The following PXK variants were observed in gnomAD, a reference collection of about 807,000 sequenced individuals.
The protein encoded by PXK is PX domain containing serine/threonine kinase like.
Under a neutral mutation model 84.7 loss-of-function variants are expected in PXK, and 35 were observed. The observed-to-expected ratio is 0.41, with a 90% CI of 0.32 to 0.55. The LOEUF is 0.55. PXK is among the 20% of genes least tolerant of loss of function. The pLI is 0.21. For missense variants in PXK, 634 were observed against 699.7 expected, an observed-to-expected ratio of 0.91 and a Z score of 1.06; for synonymous variants, 253 against 260.8, an observed-to-expected ratio of 0.97 and a Z score of 0.29.
At chr3:58,389,311 A>G (rs914070684) in intron 4 of PXK, among the ~76,000 whole-genome samples, 3 of 152,132 alleles carry the variant, frequency 2.0e-5, no homozygotes, top group African/African-American at 7.2e-5. Flanking sequence ...GATGGGATAA[A>G]TAGTACTTGG....
At chr3:58,377,688 T>A (rs558290483) in intron 3 of PXK, among the ~76,000 whole-genome samples, 1 of 152,262 alleles carries the variant, frequency 6.6e-6, no homozygotes, top group Admixed American at 6.5e-5. Context: ...TACCTGTATT[T>A]ACTTTTTCTC....
chr3:58,399,430 G>C lies in PXK; in HGVS notation c.1181+53G>C. The C allele has an allele frequency of 6.5e-7, 1 of 1,531,090 alleles. No homozygotes were observed. Among genetic ancestry groups the C allele is most frequent in the South Asian group, 1.1e-5 (1 of 88,030 alleles). 94.8% of individuals were successfully genotyped at this position (1,531,090 alleles called of 1,614,324 possible). A position where few individuals can be genotyped will look rare whatever the true frequency, so the allele number is the denominator to read the frequency against. ...ATCTTGATAACTATGTTGAACACCA[G>C]ACCACTGTGTCCAAGCACCTGGTAC... is the stretch of plus-strand genomic sequence containing the variant. On this transcript the variant is annotated intron_variant, in intron 12 of 17. Transcript: ENST00000356151. This position sits in a 1 kb window ranked among gnomAD's most constrained non-coding sequence, Gnocchi z 4.3.
chr3:58,350,868 C>A (rs6445973), intron 1 of PXK, among the ~76,000 whole-genome samples: 109,595 of 152,116 alleles, frequency 0.72, 40,496 homozygotes, highest in East Asian at 1. Context: ...ACACAGCAAC[C>A]TTCTCAGAGT....
chr3:58,395,560 G>T, intron 8 of PXK, 98 bp from the exon 9 acceptor site: 1 of 862,044 alleles, frequency 1.2e-6, no homozygotes. Flanking sequence ...CATCTCTGGC[G>T]CCCCTAGCCT....
At chr3:58,368,408 T>G (rs1208899706) in intron 2 of PXK, among the ~76,000 whole-genome samples, 1 of 152,192 alleles carries the variant, frequency 6.6e-6, no homozygotes, top group Non-Finnish European at 1.5e-5. Flanking sequence ...CTGCAATCTC[T>G]GCCTCCTAGG....
Position 58,421,016 on chromosome 3 carries a change from C to T in PXK, c.1529-3736C>T. The stretch of plus-strand genomic sequence containing the variant: ...TTTTATAACTGACGGTAGGGAAAAA[C>T]AGTTCTTTTGTAAGCATCCTTTATA... On this transcript the variant is annotated intron_variant, in intron 17 of 17. Coordinates refer to ENST00000356151, the MANE Select transcript of PXK (RefSeq NM_017771.5). The surrounding 1 kb of genome is among the most constrained non-coding windows in gnomAD (Gnocchi z 5.5). 1.0e-6 allele frequency: 1 copy of T among 1,002,022 alleles called. No individual in the cohort carries two copies. Among genetic ancestry groups the T allele is most frequent in the Non-Finnish European group, 1.2e-6 (1 of 840,732 alleles). 62.1% of individuals were successfully genotyped at this position (1,002,022 alleles called of 1,614,324 possible).
Position 58,333,146 on chromosome 3 carries a change from G to T in PXK, c.102+56G>T, listed in dbSNP as rs1451066051. 3 of 982,624 alleles carry T rather than the reference G, an allele frequency of 3.1e-6. No homozygotes were observed. The highest frequency in any genetic ancestry group is 3.7e-6 in the Non-Finnish European group (3 of 814,744). The allele number at this position is 982,624 out of a possible 1,614,324, so 60.9% of individuals were successfully genotyped here. A position where few individuals can be genotyped will look rare whatever the true frequency, so the allele number is the denominator to read the frequency against. On this transcript the variant is annotated intron_variant, in intron 1 of 17. Coordinates refer to ENST00000356151, the MANE Select transcript of PXK (RefSeq NM_017771.5). The surrounding 1 kb of genome is among the most constrained non-coding windows in gnomAD (Gnocchi z 5.4). ...TGGGGCGGCCCCGGGCCGCGAGGGG[G>T]CTGCGGGCTGCCTGGCGCGGGCCGG...
At chr3:58,351,548 A>G (rs1403854383) in intron 1 of PXK, among the ~76,000 whole-genome samples, 1 of 152,100 alleles carries the variant, frequency 6.6e-6, no homozygotes, top group Admixed American at 6.6e-5. Flanking sequence ...GGTGTGAGCC[A>G]CCGTGCCTGG....
chr3:58,357,637 G>A (rs542928422), intron 1 of PXK, among the ~76,000 whole-genome samples: 69 of 152,280 alleles, frequency 4.5e-4, no homozygotes, highest in Non-Finnish European at 7.8e-4. Flanking sequence ...AATGTTTTTA[G>A]CTCCATTATA....
Position 58,399,441 on chromosome 3 carries a change from C to G in PXK, c.1181+64C>G. 2 of 1,486,640 alleles carry G rather than the reference C, an allele frequency of 1.3e-6. No homozygotes were observed. Among genetic ancestry groups the G allele is most frequent in the African/African-American group, 1.4e-5 (1 of 72,356 alleles). The allele number at this position is 1,486,640 out of a possible 1,614,324, so 92.1% of individuals were successfully genotyped here. ...TATGTTGAACACCAGACCACTGTGT[C>G]CAAGCACCTGGTACTGTAGTAAAGA... On this transcript the variant is annotated intron_variant, in intron 12 of 17. Coordinates refer to ENST00000356151, the MANE Select transcript of PXK (RefSeq NM_017771.5). This position sits in a 1 kb window ranked among gnomAD's most constrained non-coding sequence, Gnocchi z 4.3.
rs2098329521 is a variant in PXK at position 58,369,416 on chromosome 3, T to A, written c.154-15T>A. The A allele has an allele frequency of 6.3e-7, 1 of 1,599,008 alleles. No homozygotes were observed. The highest frequency in any genetic ancestry group is 1.7e-5 in the Admixed American group (1 of 59,874). ...GTCTTTGCTGAATCAAAACACTACT[T>A]CTTGTCTCTTACAGATTGTTAGAAG... On this transcript the variant is annotated splice_polypyrimidine_tract_variant and intron_variant, in intron 2 of 17. Coordinates refer to ENST00000356151, the MANE Select transcript of PXK (RefSeq NM_017771.5).
chr3:58,341,851 C>T (rs1397701322), intron 1 of PXK, among the ~76,000 whole-genome samples: 2 of 151,872 alleles, frequency 1.3e-5, no homozygotes, highest in Admixed American at 1.3e-4. Flanking sequence ...CTACAGGCAC[C>T]CGCTACCACG....
At chr3:58,365,185 G>A (rs777412766) in intron 1 of PXK, among the ~76,000 whole-genome samples, 2 of 151,844 alleles carry the variant, frequency 1.3e-5, no homozygotes, top group Non-Finnish European at 2.9e-5. Flanking sequence ...GTTAGCTGAC[G>A]TGTCCCACAA....
At chr3:58,420,949 T>C in intron 17 of PXK, 14 of 1,060,344 alleles carry the variant, frequency 1.3e-5, no homozygotes, top group Non-Finnish European at 1.6e-5. Flanking sequence ...GAAAGAGTGT[T>C]AGGCACTTGA....
At chr3:58,347,866 A>G (rs2097850555) in intron 1 of PXK, among the ~76,000 whole-genome samples, 1 of 152,172 alleles carries the variant, frequency 6.6e-6, no homozygotes, top group Non-Finnish European at 1.5e-5. Context: ...AGTTGAAGAA[A>G]ATGAGGTGCA....
chr3:58,341,582 CT>C (rs1255488114), intron 1 of PXK, among the ~76,000 whole-genome samples: 2 of 151,962 alleles, frequency 1.3e-5, no homozygotes, highest in East Asian at 1.9e-4. Flanking sequence ...CAAAACAAAA[CT>C]TTATATAATT....
At chr3:58,351,338 C>T (rs1485050605) in intron 1 of PXK, among the ~76,000 whole-genome samples, 1 of 152,090 alleles carries the variant, frequency 6.6e-6, no homozygotes, top group Non-Finnish European at 1.5e-5. Context: ...AGTGATCCAC[C>T]CGCCTCAGCC....
chr3:58,402,263 T>A (rs1208242265), intron 12 of PXK, among the ~76,000 whole-genome samples: 1 of 76,206 alleles, frequency 1.3e-5, no homozygotes, highest in Non-Finnish European at 2.5e-5. Context: ...CCCCTCCCCC[T>A]CTCTCTCCCC....
chr3:58,410,431 A>C (rs2060028260), intron 16 of PXK, among the ~76,000 whole-genome samples: 1 of 152,228 alleles, frequency 6.6e-6, no homozygotes, highest in Admixed American at 6.5e-5. Context: ...CAGGAGCATT[A>C]GTCATGGAAG....
Sources: allele counts gnomAD v4.1 joint callset (sites outside exome capture counted in the v4.1 genomes callset), GRCh38; gene constraint gnomAD v4.1.1; non-coding constraint Gnocchi (gnomAD v3.1); transcripts MANE v1.5; gene names NCBI Gene and HGNC (gene_info 2026-07-23, HGNC 2026-07-21).